TRIO: variants seen among roughly 807,000 people sequenced by gnomAD.
The protein encoded by TRIO is trio Rho guanine nucleotide exchange factor, also known as triple functional domain protein.
In TRIO, 58 loss-of-function variants were observed where a neutral mutation model predicts 351.9. The observed-to-expected ratio is 0.16, with a 90% CI of 0.13 to 0.21. The LOEUF (loss-of-function observed/expected upper bound fraction) is 0.21, where lower values mean the gene tolerates loss of function less well. TRIO is among the 10% of genes least tolerant of loss of function. The pLI is 1.00. For synonymous variants in TRIO, 1,758 were observed against 1,595.7 expected (o/e 1.10, Z -2.42); for missense variants, 3,201 against 4,027.8 (o/e 0.79, Z 5.56).
At chr5:14,492,257 A>C in intron 48 of TRIO, 1 of 395,922 alleles carries the variant, frequency 2.5e-6, no homozygotes, top group South Asian at 3.0e-5. Context: ...AGGAGGACTA[A>C]GATGTTCCCG....
intron 34 of TRIO, among the ~76,000 whole-genome samples, chr5:14,441,726 T>A (rs1465461516): frequency 1.3e-5 from 2 of 152,222 alleles, no homozygotes; most frequent in Non-Finnish European, 2.9e-5. Context: ...TTTATGTCTG[T>A]TTCAGGTTTA....
chr5:14,409,953 CA>C (rs1561457248), intron 33 of TRIO, among the ~76,000 whole-genome samples: 1 of 152,090 alleles, frequency 6.6e-6, no homozygotes, highest in African/African-American at 2.4e-5. Context: ...TGCCACGCAG[CA>C]ACACTCACCC....
intron 9 of TRIO, among the ~76,000 whole-genome samples, chr5:14,320,831 C>T (rs1367227744): frequency 1.3e-5 from 2 of 152,180 alleles, no homozygotes; most frequent in African/African-American, 4.8e-5. Flanking sequence ...GTGCCAGGCT[C>T]ATCTGCAACA....
In TRIO at chr5:14,277,247, T is replaced by G. The variant is rs180840215; in HGVS notation, c.233-3075T>G. ...CATTTCCTAGAAGGTAAGAAGTGCC[T>G]TAGAGAAATAAGATTGGTTATAGGA... On this transcript the variant is annotated intron_variant, in intron 2 of 56. Coordinates refer to ENST00000344204, the MANE Select transcript of TRIO (RefSeq NM_007118.4). Among the ~76,000 whole-genome samples the G allele has an allele frequency of 1.8e-3, 278 of 152,184 alleles. 1 individual carries two copies. Among genetic ancestry groups the G allele is most frequent in the Middle Eastern group, 6.8e-3 (2 of 294 alleles).
chr5:14,251,649 G>A (rs1410907897), intron 1 of TRIO, among the ~76,000 whole-genome samples: 1 of 152,214 alleles, frequency 6.6e-6, no homozygotes, highest in Non-Finnish European at 1.5e-5. Flanking sequence ...GGGTGCAGGG[G>A]GAGAAGAGGT....
At chr5:14,360,083 T>C (rs542937317) in intron 13 of TRIO, among the ~76,000 whole-genome samples, 1 of 152,270 alleles carries the variant, frequency 6.6e-6, no homozygotes, top group South Asian at 2.1e-4. Context: ...TCTCTTGCCC[T>C]TCTCTCTTCT....
In TRIO at chr5:14,397,409, G is replaced by A. The variant is rs78223279; in HGVS notation, c.4423+255G>A. On this transcript the variant is annotated intron_variant, in intron 29 of 56. Coordinates refer to ENST00000344204, the MANE Select transcript of TRIO (RefSeq NM_007118.4). ...CTGGACTCCAATAGCACTTTGTGTCGCTTGCTGCAGGCCACCTGTTCTCCC... is the reference window on the plus strand; with the variant it reads ...CTGGACTCCAATAGCACTTTGTGTCACTTGCTGCAGGCCACCTGTTCTCCC... 2,792 of 371,966 alleles carry A rather than the reference G, an allele frequency of 7.5e-3. 25 individuals are homozygous for A. Among genetic ancestry groups the A allele is most frequent in the Non-Finnish European group, 8.7e-3 (1,766 of 203,840 alleles). 23.0% of individuals were successfully genotyped at this position (371,966 alleles called of 1,614,324 possible).
chr5:14,163,583 G>A (rs1004098225), intron 1 of TRIO, among the ~76,000 whole-genome samples: 4 of 152,192 alleles, frequency 2.6e-5, no homozygotes, highest in African/African-American at 7.2e-5. Context: ...TGATGTGTAA[G>A]TCTTAAAAGA....
chr5:14,211,705 T>C (rs1791911633), intron 1 of TRIO, among the ~76,000 whole-genome samples: 1 of 151,770 alleles, frequency 6.6e-6, no homozygotes, highest in African/African-American at 2.4e-5. Flanking sequence ...AGCAACAGTT[T>C]GTTCTTAAGA....
chr5:14,206,875 A>G (rs1245481204), intron 1 of TRIO, among the ~76,000 whole-genome samples: 1 of 152,224 alleles, frequency 6.6e-6, no homozygotes, highest in Non-Finnish European at 1.5e-5. Context: ...GTAACTCCAT[A>G]TAAGCATATA....
chr5:14,251,536 C>T (rs185512843), intron 1 of TRIO, among the ~76,000 whole-genome samples: 3 of 152,226 alleles, frequency 2.0e-5, no homozygotes, highest in Non-Finnish European at 2.9e-5. Context: ...ATCTGTTCCT[C>T]CCTCTCCACA....
At chr5:14,411,267 C>T (rs927589366) in intron 33 of TRIO, among the ~76,000 whole-genome samples, 18 of 152,164 alleles carry the variant, frequency 1.2e-4, no homozygotes, top group Admixed American at 3.3e-4. Flanking sequence ...AATTTTTTCC[C>T]TGTCTCTTCC....
At chr5:14,185,618 A>G (rs887666202) in intron 1 of TRIO, among the ~76,000 whole-genome samples, 7 of 152,206 alleles carry the variant, frequency 4.6e-5, no homozygotes, top group Non-Finnish European at 7.3e-5. Context: ...TGCCTAGGAA[A>G]GGGTGGGGAG....
chr5:14,255,579 G>A (rs1159927971), intron 1 of TRIO, among the ~76,000 whole-genome samples: 2 of 152,198 alleles, frequency 1.3e-5, no homozygotes, highest in Non-Finnish European at 2.9e-5. Context: ...GGCACCAGAA[G>A]TGTTTTGGAT....
In TRIO at chr5:14,462,860, C is replaced by G; in HGVS notation, c.5602C>G (p.Pro1868Ala). The change falls in exon 36 of 57, where the codon CCC becomes GCC. Residue 1868 changes from proline to alanine, a missense_variant. By Grantham distance (27) the Pro-to-Ala change is conservative (BLOSUM62 -1). This residue lies in a region of TRIO where 307 missense variants were observed against 396.5 expected (regional missense o/e 0.77). Coordinates refer to ENST00000344204, the MANE Select transcript of TRIO (RefSeq NM_007118.4). The part of the protein sequence containing the change: ...EEGEEGADAV[P>A]LPPPMAIQQH... ...AGGCGAGGAGGGGGCCGACGCCGTG[C>G]CCCTGCCGCCACCCATGGCCATCCA... 1 of 1,612,694 alleles carries G rather than the reference C, an allele frequency of 6.2e-7. No individual in the cohort carries two copies. Among genetic ancestry groups the G allele is most frequent in the Non-Finnish European group, 8.5e-7 (1 of 1,179,330 alleles).
chr5:14,144,312 G>C (rs1462458451), intron 1 of TRIO, among the ~76,000 whole-genome samples: 1 of 152,126 alleles, frequency 6.6e-6, no homozygotes, highest in African/African-American at 2.4e-5. Flanking sequence ...GGGCCGGTCC[G>C]GGACGGGAAA....
chr5:14,144,769 G>A (rs1214546921), intron 1 of TRIO, among the ~76,000 whole-genome samples: 1 of 151,926 alleles, frequency 6.6e-6, no homozygotes, highest in South Asian at 2.1e-4. Flanking sequence ...GGGCGTCCCC[G>A]GTACCCCAGC....
Position 14,461,008 on chromosome 5 carries a change from C to G in TRIO, c.5204-11C>G. On this transcript the variant is annotated splice_polypyrimidine_tract_variant and intron_variant, in intron 34 of 56. Transcript: ENST00000344204. ...CGAGTCAGTGATACTCCCTCTCTTT[C>G]TCCCTGGCAGACTCGCTCTCCGTCT... The G allele has an allele frequency of 6.4e-7, 1 of 1,550,886 alleles. No individual in the cohort carries two copies. The highest frequency in any genetic ancestry group is 1.4e-5 in the African/African-American group (1 of 73,176).
rs947187151 is a variant in TRIO, at chr5:14,143,705, G to C, written c.-21G>C. The C allele has an allele frequency of 1.0e-6, 1 of 975,590 alleles. No individual in the cohort carries two copies. Among genetic ancestry groups the C allele is most frequent in the Non-Finnish European group, 1.2e-6 (1 of 824,934 alleles). 60.4% of individuals were successfully genotyped at this position (975,590 alleles called of 1,614,324 possible). On this transcript the variant is annotated 5_prime_UTR_variant, in exon 1 of 57. Coordinates refer to ENST00000344204, the MANE Select transcript of TRIO (RefSeq NM_007118.4). The stretch of plus-strand genomic sequence containing the variant: ...GGGCGCGGGGCCCGAGGCGGGCGCG[G>C]CCGCGGGCGCCGCCGCAGCCATGAG...
Sources: gnomAD v4.1 joint callset for allele counts (sites outside exome capture counted in the v4.1 genomes callset) on GRCh38, gnomAD v4.1.1 for gene constraint, gnomAD v4.1.1 regional missense constraint, MANE v1.5 for transcripts, NCBI Gene and HGNC (gene_info 2026-07-23, HGNC 2026-07-21) for gene names.